Variants in ZNF804B observed in about 807,000 individuals in gnomAD.
The protein encoded by ZNF804B is zinc finger protein 804B.
ZNF804B carries 80 observed loss-of-function variants against 101.4 expected under a neutral mutation model. The ratio of observed to expected loss-of-function variants is 0.79; its 90% CI spans 0.66 to 0.95. The LOEUF (loss-of-function observed/expected upper bound fraction) is 0.95. Ranked by LOEUF, ZNF804B falls within the 40% of genes least tolerant of loss-of-function variation. The probability of loss-of-function intolerance (pLI) is 0.00; values close to 1 mark genes in which losing one functional copy is unlikely to be tolerated. For missense variants in ZNF804B, 1,673 were observed against 1,561.9 expected, an observed-to-expected ratio of 1.07 and a Z score of -1.20; for synonymous variants, 622 against 558.8, an observed-to-expected ratio of 1.11 and a Z score of -1.59.
intron 1 of ZNF804B, among the ~76,000 whole-genome samples, chr7:89,171,482 T>C (rs1328668388): frequency 1.3e-5 from 2 of 151,768 alleles, no homozygotes; most frequent in Non-Finnish European, 2.9e-5. Context: ...TCACCCAGGC[T>C]GGAGTGCAGT....
intron 1 of ZNF804B, among the ~76,000 whole-genome samples, chr7:88,964,040 G>T (rs529958202): frequency 6.6e-6 from 1 of 151,302 alleles, no homozygotes. Flanking sequence ...ACAAGTGTTG[G>T]CAAGGATGTG....
chr7:89,134,809 A>G (rs1303667756), intron 1 of ZNF804B, among the ~76,000 whole-genome samples: 1 of 147,798 alleles, frequency 6.8e-6, no homozygotes, highest in Non-Finnish European at 1.5e-5. Flanking sequence ...TTTATGTATA[A>G]CCAAACATCC....
Position 89,283,236 on chromosome 7 carries a change from C to T in ZNF804B, c.250-44108C>T, listed in dbSNP as rs897883437. Among the ~76,000 whole-genome samples, 6 of 151,886 alleles carry T rather than the reference C, an allele frequency of 4.0e-5. No homozygotes were observed. The South Asian group carries it at 1.0e-3, about 26-fold the overall frequency. ...GAAAATTAAAATATTCAAGAAGAAT[C>T]TCTAAAACTGACACTACTGAAGGAA... On this transcript the variant is annotated intron_variant, in intron 2 of 3. Transcript: ENST00000333190.
rs1204376760 is a variant in ZNF804B, at chr7:89,335,751, A to G, written c.2769A>G (p.Leu923=). Reference sequence around the variant, plus strand: ...CTGCAGAAGGAGAGAGGACCCCTCTAACAGCAAAAATCCTTTTAGAAAGAG... The same window carrying G: ...CTGCAGAAGGAGAGAGGACCCCTCTGACAGCAAAAATCCTTTTAGAAAGAG... ...SNTAEGERTP[L]TAKILLERVQ... The change falls in exon 4 of 4, where the codon CTA becomes CTG. Residue 923 remains leucine (L), a synonymous_variant. Transcript: ENST00000333190. 1 of 1,614,084 alleles carries G rather than the reference A, an allele frequency of 6.2e-7. No homozygotes were observed. The highest frequency in any genetic ancestry group is 1.1e-5 in the South Asian group (1 of 91,082).
At chr7:89,050,056 T>C (rs1789171762) in intron 1 of ZNF804B, among the ~76,000 whole-genome samples, 1 of 152,100 alleles carries the variant, frequency 6.6e-6, no homozygotes, top group South Asian at 2.1e-4. Context: ...TCTAAGTAGA[T>C]GGAAAAAGAA....
intron 2 of ZNF804B, among the ~76,000 whole-genome samples, chr7:89,228,843 C>G (rs34347305): frequency 6.6e-6 from 1 of 152,026 alleles, no homozygotes; most frequent in Non-Finnish European, 1.5e-5. Context: ...GAGGCTCCGG[C>G]GGCACAGGGG....
At chr7:89,221,691 T>TTCTA (rs1789005560) in intron 2 of ZNF804B, among the ~76,000 whole-genome samples, 1 of 142,500 alleles carries the variant, frequency 7.0e-6, no homozygotes, top group Non-Finnish European at 1.5e-5. Context: ...TTCCTCAATA[T>TTCTA]TTCTATTCTA....
chr7:89,008,581 GCA>G (rs567999602), intron 1 of ZNF804B, among the ~76,000 whole-genome samples: 15 of 152,184 alleles, frequency 9.9e-5, no homozygotes, highest in African/African-American at 3.6e-4. Context: ...ACTGATTCCA[GCA>G]CAGTTCATGC....
intron 2 of ZNF804B, among the ~76,000 whole-genome samples, chr7:89,248,247 A>T (rs1789481444): frequency 6.6e-6 from 1 of 152,130 alleles, no homozygotes; most frequent in Admixed American, 6.5e-5. Context: ...AGATACAAGA[A>T]ATCCAGAGAA....
chr7:89,116,223 G>GT (rs1017660942), intron 1 of ZNF804B, among the ~76,000 whole-genome samples: 1 of 151,788 alleles, frequency 6.6e-6, no homozygotes, highest in Admixed American at 6.6e-5. Flanking sequence ...CACGGTTTTT[G>GT]TTTTTTTAAT....
In ZNF804B at chr7:89,050,983, C is replaced by CTT. The variant is rs34221110; in HGVS notation, c.109-167165_109-167164dup. 9.1e-4 allele frequency among the ~76,000 whole-genome samples: 138 copies of CTT among 151,494 alleles called. 2 individuals are homozygous for CTT. The highest frequency in any genetic ancestry group is 8.3e-4 in the South Asian group (4 of 4,806). ...TAAACCTCGTTTTATGAGTTTGTTTCTTTTTTTTAACATAAAATGTATTAT... is the reference window on the plus strand; with the variant it reads ...TAAACCTCGTTTTATGAGTTTGTTTCTTTTTTTTTTAACATAAAATGTATTAT... On this transcript the variant is annotated intron_variant, in intron 1 of 3. Transcript: ENST00000333190.
Position 89,335,968 on chromosome 7 carries a change from G to A in ZNF804B, c.2986G>A (p.Ala996Thr). 1.2e-6 allele frequency: 2 copies of A among 1,614,014 alleles called. No individual in the cohort carries two copies. The highest frequency in any genetic ancestry group is 1.1e-5 in the South Asian group (1 of 91,090). Residue 996 changes from alanine (A) to threonine (T), a missense_variant, in exon 4 of 4, where the codon GCA becomes ACA. Transcript: ENST00000333190. ...ASESRNDQDS[A>T]IPRTTEKDKS... The stretch of plus-strand genomic sequence containing the variant: ...TGAGAGCAGAAATGATCAAGACAGT[G>A]CAATTCCAAGGACTACGGAGAAAGA...
chr7:88,821,589 A>C (rs1258938605), intron 1 of ZNF804B, among the ~76,000 whole-genome samples: 1 of 152,238 alleles, frequency 6.6e-6, no homozygotes, highest in African/African-American at 2.4e-5. Context: ...TGCAGAAATT[A>C]TAGAATTAAA....
At position 88,971,773 on chromosome 7, in the gene ZNF804B, T is replaced by C. The variant is rs544916130; in HGVS notation, c.108+211689T>C. 5.9e-5 allele frequency among the ~76,000 whole-genome samples: 9 copies of C among 151,704 alleles called. No individual in the cohort carries two copies. In the East Asian group the frequency reaches 1.4e-3, roughly 23 times the overall value. ...TTACAATATTACCCTTTTATTATTA[T>C]TTAAACAGAAAATGCATTGCACCAG... On this transcript the variant is annotated intron_variant, in intron 1 of 3. Coordinates refer to ENST00000333190, the MANE Select transcript of ZNF804B (RefSeq NM_181646.5).
At chr7:89,269,992 A>C (rs1442419657) in intron 2 of ZNF804B, among the ~76,000 whole-genome samples, 1 of 151,980 alleles carries the variant, frequency 6.6e-6, no homozygotes, top group Non-Finnish European at 1.5e-5. Flanking sequence ...AGATTGCAAA[A>C]ATTTTCTTCC....
At chr7:89,027,018 C>T (rs1364924915) in intron 1 of ZNF804B, among the ~76,000 whole-genome samples, 1 of 151,798 alleles carries the variant, frequency 6.6e-6, no homozygotes, top group Non-Finnish European at 1.5e-5. Flanking sequence ...TGAGAAATAT[C>T]AATATTTGGA....
chr7:88,805,839 A>G (rs1453772543), intron 1 of ZNF804B, among the ~76,000 whole-genome samples: 2 of 152,122 alleles, frequency 1.3e-5, no homozygotes, highest in African/African-American at 2.4e-5. Context: ...TCTTAACTAC[A>G]TATGTGCCAC....
intron 1 of ZNF804B, among the ~76,000 whole-genome samples, chr7:88,896,039 G>C (rs947212179): frequency 6.6e-6 from 1 of 152,144 alleles, no homozygotes; most frequent in Non-Finnish European, 1.5e-5. Context: ...CTGGGGGAGA[G>C]ATAGTAATTG....
chr7:88,845,294 C>T (rs559241102), intron 1 of ZNF804B, among the ~76,000 whole-genome samples: 2,259 of 123,620 alleles, frequency 0.018, 77 homozygotes, highest in African/African-American at 0.078. Flanking sequence ...CGCGCGCGCA[C>T]GCGCGCGCAC....
Sources: allele counts gnomAD v4.1 joint callset (sites outside exome capture counted in the v4.1 genomes callset), GRCh38; gene constraint gnomAD v4.1.1; transcripts MANE v1.5; gene names NCBI Gene and HGNC (gene_info 2026-07-23, HGNC 2026-07-21).